UBE2C: variants seen among roughly 807,000 people sequenced by gnomAD.
The protein encoded by UBE2C is ubiquitin conjugating enzyme E2 C.
In UBE2C, 16 loss-of-function variants were observed where a neutral mutation model predicts 23.5. That is an observed-to-expected ratio of 0.68 (90% CI 0.46 to 1.03). UBE2C has a LOEUF of 1.03. UBE2C is among the 50% of genes least tolerant of loss of function. The probability of loss-of-function intolerance (pLI) is 0.00; values close to 1 mark genes in which losing one functional copy is unlikely to be tolerated. For synonymous variants in UBE2C, 76 were observed against 91.6 expected, an observed-to-expected ratio of 0.83 and a Z score of 0.97; for missense variants, 192 against 227.6, an observed-to-expected ratio of 0.84 and a Z score of 1.01.
At chr20:45,814,855 G>C (rs1291911294) in intron 3 of UBE2C, among the ~76,000 whole-genome samples, 1 of 146,342 alleles carries the variant, frequency 6.8e-6, no homozygotes, top group Admixed American at 6.8e-5. Context: ...TTTTTGAGAC[G>C]GAGTCTCGCT....
At position 45,812,777 on chromosome 20, in the gene UBE2C, C is replaced by T. The variant is rs1223889210; in HGVS notation, c.82C>T (p.Arg28Trp). The change falls in exon 1 of 6, where the codon CGG (arginine) becomes TGG (tryptophan). Residue 28 changes from arginine (R) to tryptophan (W), a missense_variant. Physicochemically the swap from Arg to Trp is moderately radical, Grantham distance 101 (BLOSUM62 -3). Coordinates refer to ENST00000356455, the MANE Select transcript of UBE2C (RefSeq NM_007019.4). Reference protein sequence around the residue: ...KGAEPSGGAARGPVGKRLQQE... With the variant: ...KGAEPSGGAAWGPVGKRLQQE... ...AGCTGAGCCGAGCGGGGGCGCCGCC[C>T]GGGGTCCGGTGGGCAAAAGGTGAGT... 3.9e-6 allele frequency: 6 copies of T among 1,556,366 alleles called. No individual in the cohort carries two copies. Among genetic ancestry groups the T allele is most frequent in the Middle Eastern group, 1.7e-4 (1 of 5,948 alleles).
rs1298511138 is a variant in UBE2C, at chr20:45,815,552, C to T, written c.228C>T (p.Asp76=). The change falls in exon 4 of 6, where the codon GAC becomes GAT. Residue 76 remains aspartate, a synonymous_variant. Coordinates refer to ENST00000356455, the MANE Select transcript of UBE2C (RefSeq NM_007019.4). The stretch of plus-strand genomic sequence containing the variant: ...TCTCCAAATGCCAGGTATATGAAGA[C>T]CTGAGGTATAAGCTCTCGCTAGAGT... ...IHGAAGTVYE[D]LRYKLSLEFP... The T allele has an allele frequency of 1.4e-5, 23 of 1,613,910 alleles. No individual in the cohort carries two copies. Among genetic ancestry groups the T allele is most frequent in the Non-Finnish European group, 1.9e-5 (23 of 1,179,990 alleles).
At chr20:45,813,313 C>T (rs1982104560) in intron 1 of UBE2C, 124 bp from the exon 2 acceptor site, 1 of 1,591,486 alleles carries the variant, frequency 6.3e-7, no homozygotes, top group South Asian at 1.1e-5. Context: ...TGAGCTGAGC[C>T]TGACCTTGGT....
At chr20:45,815,409 C>T in intron 3 of UBE2C, 132 bp from the exon 4 acceptor site, 2 of 1,608,066 alleles carry the variant, frequency 1.2e-6, no homozygotes, top group East Asian at 2.2e-5. Flanking sequence ...AGCATCAGAA[C>T]CAGCTCAACA....
At chr20:45,815,805 G>A (rs1568716355) in intron 4 of UBE2C, 49 bp from the exon 5 acceptor site, 3 of 1,613,484 alleles carry the variant, frequency 1.9e-6, no homozygotes, top group Admixed American at 1.7e-5. Flanking sequence ...GGACTCCCTG[G>A]GGTCAGCCTC....
intron 2 of UBE2C, among the ~76,000 whole-genome samples, chr20:45,814,041 G>C (rs1449852235): frequency 6.6e-6 from 1 of 151,630 alleles, no homozygotes; most frequent in African/African-American, 2.4e-5. Flanking sequence ...GGAGACAGAG[G>C]TTGCGGTGAG....
chr20:45,815,975 A>G, intron 5 of UBE2C, 62 bp downstream of exon 5: 1 of 1,573,014 alleles, frequency 6.4e-7, no homozygotes, highest in Non-Finnish European at 8.7e-7. Flanking sequence ...GCTCCCTCAA[A>G]CAAAAGGAGC....
chr20:45,814,507 GA>G, intron 3 of UBE2C, 37 bp downstream of exon 3: 2 of 1,558,160 alleles, frequency 1.3e-6, no homozygotes, highest in East Asian at 2.3e-5. Flanking sequence ...TGAGTCTGGG[GA>G]AAGGTGGGAA....
chr20:45,815,960 CA>C (rs1776917891), intron 5 of UBE2C, 47 bp downstream of exon 5: 1 of 1,600,460 alleles, frequency 6.2e-7, no homozygotes, highest in African/African-American at 1.3e-5. Context: ...CCCCAACCTT[CA>C]AAGGCTCCCT....
At chr20:45,814,551 T>G in intron 3 of UBE2C, 81 bp downstream of exon 3, 1 of 1,149,822 alleles carries the variant, frequency 8.7e-7, no homozygotes. Flanking sequence ...GCTTCAAGCC[T>G]TTGGCGGAGC....
chr20:45,813,084 A>AG, intron 1 of UBE2C: 3 of 1,402,586 alleles, frequency 2.1e-6, no homozygotes, highest in Non-Finnish European at 2.8e-6. Flanking sequence ...ATGGGAGGGT[A>AG]GGGGCGCTGC....
chr20:45,815,799 T>G (rs930701472), intron 4 of UBE2C, 54 bp downstream of exon 4: 1 of 1,613,224 alleles, frequency 6.2e-7, no homozygotes, highest in South Asian at 1.1e-5. Flanking sequence ...CTGTCAGGAC[T>G]CCCTGGGGTC....
Position 45,814,146 on chromosome 20 carries a change from C to CTCTCTATATA in UBE2C, c.130-237_130-236insCTCTATATAT, listed in dbSNP as rs1158772080. On this transcript the variant is annotated intron_variant, in intron 2 of 5. Coordinates refer to ENST00000356455, the MANE Select transcript of UBE2C (RefSeq NM_007019.4). ...TCTCTCAATCTCTCTCTCTCTCTCT[C>CTCTCTATATA]TATATATATATATATGTAAATATAT... Among the ~76,000 whole-genome samples, 308 of 133,942 alleles carry CTCTCTATATA rather than the reference C, an allele frequency of 2.3e-3. 1 individual carries two copies. Among genetic ancestry groups the CTCTCTATATA allele is most frequent in the African/African-American group, 7.7e-3 (284 of 36,732 alleles). 87.9% of individuals were successfully genotyped at this position (133,942 alleles called of 152,430 possible).
intron 3 of UBE2C, 71 bp from the exon 4 acceptor site, chr20:45,815,470 T>TG: frequency 6.2e-7 from 1 of 1,614,150 alleles, no homozygotes; most frequent in Non-Finnish European, 8.5e-7. Context: ...GCAAGCCCCT[T>TG]GTGTGGGGCT....
chr20:45,813,019 A>AGATGG lies in UBE2C; in HGVS notation c.101+225_101+229dup. On this transcript the variant is annotated intron_variant, in intron 1 of 5. Transcript: ENST00000356455. ...CCTCCTTGCGCGGGTGAGATTCGAGAGATGGGGGACAGGCCAGGAGCTCAG... is the reference window on the plus strand; with the variant it reads ...CCTCCTTGCGCGGGTGAGATTCGAGAGATGGGATGGGGGACAGGCCAGGAGCTCAG... 2.1e-6 allele frequency: 3 copies of AGATGG among 1,426,024 alleles called. No homozygotes were observed. In the East Asian group the frequency reaches 7.6e-5, roughly 36 times the overall value. The allele number at this position is 1,426,024 out of a possible 1,614,324, so 88.3% of individuals were successfully genotyped here. A position where few individuals can be genotyped will look rare whatever the true frequency, so the allele number is the denominator to read the frequency against.
chr20:45,814,232 G>A (rs1982243009), intron 2 of UBE2C, 152 bp from the exon 3 acceptor site: 1 of 304,058 alleles, frequency 3.3e-6, no homozygotes, highest in African/African-American at 2.6e-5. Flanking sequence ...ATATATATGT[G>A]TGTGTGTATA....
rs1338571683 is a variant in UBE2C, at chr20:45,815,504, C to G, written c.217-37C>G. The G allele has an allele frequency of 2.5e-6, 4 of 1,614,036 alleles. No individual in the cohort carries two copies. The East Asian group carries it at 8.9e-5, about 36-fold the overall frequency. On this transcript the variant is annotated intron_variant, in intron 3 of 5. Transcript: ENST00000356455. ...CTTGGGTTGGGACATGAGGCTGCTG[C>G]TGGAGCTTACTCTGCAACTGTTTCT...
Position 45,814,429 on chromosome 20 carries a change from C to T in UBE2C, c.175C>T (p.Leu59Phe), listed in dbSNP as rs759589512. ...GISAFPESDN[L>F]FKWVGTIHGA... ...TTCTGCCTTCCCTGAATCAGACAAC[C>T]TTTTCAAATGGGTAGGGACCATCCA... is the stretch of plus-strand genomic sequence containing the variant. The change falls in exon 3 of 6, where the codon CTT becomes TTT. Residue 59 changes from leucine (L) to phenylalanine (F), a missense_variant. Transcript: ENST00000356455. The T allele has an allele frequency of 3.1e-6, 5 of 1,611,110 alleles. No homozygotes were observed. In the African/African-American group the frequency reaches 5.4e-5, roughly 17 times the overall value.
Position 45,812,809 on chromosome 20 carries a change from G to T in UBE2C, c.101+13G>T. 6.4e-7 allele frequency: 1 copy of T among 1,550,976 alleles called. No individual in the cohort carries two copies. ...CGGTGGGCAAAAGGTGAGTGATGCG[G>T]CCTACCACTCGCCGGGCCTGCCATG... On this transcript the variant is annotated intron_variant, in intron 1 of 5. Coordinates refer to ENST00000356455, the MANE Select transcript of UBE2C (RefSeq NM_007019.4).
Sources: allele counts gnomAD v4.1 joint callset (sites outside exome capture counted in the v4.1 genomes callset), GRCh38; gene constraint gnomAD v4.1.1; transcripts MANE v1.5; gene names NCBI Gene and HGNC (gene_info 2026-07-23, HGNC 2026-07-21).